MED15: variants seen among roughly 807,000 people sequenced by gnomAD.
MED15 encodes mediator of RNA polymerase II transcription subunit 15.
In MED15, 41 loss-of-function variants were observed where a neutral mutation model predicts 118.7. The ratio of observed to expected loss-of-function variants is 0.35; its 90% CI spans 0.27 to 0.45. The LOEUF (loss-of-function observed/expected upper bound fraction) is 0.45, where lower values mean the gene tolerates loss of function less well. Ranked by LOEUF, MED15 falls within the 20% of genes least tolerant of loss-of-function variation. The pLI is 1.00. For synonymous variants in MED15, 436 were observed against 413.9 expected (o/e 1.05, Z -0.65); for missense variants, 740 against 1,025.5 (o/e 0.72, Z 3.80).
intron 2 of MED15, among the ~76,000 whole-genome samples, chr22:20,539,738 A>G (rs1220734700): frequency 1.3e-5 from 2 of 152,124 alleles, no homozygotes; most frequent in Admixed American, 6.5e-5. Flanking sequence ...ATCCTCTCCA[A>G]TACTTGTTAT....
intron 8 of MED15, chr22:20,573,854 C>T (rs982977137): frequency 3.9e-5 from 6 of 152,302 alleles, no homozygotes; most frequent in African/African-American, 1.2e-4. Context: ...TCCGAAGTGC[C>T]GCAGGTGGTG....
At chr22:20,571,099 T>G (rs1244322967) in intron 8 of MED15, among the ~76,000 whole-genome samples, 2 of 152,172 alleles carry the variant, frequency 1.3e-5, no homozygotes, top group Non-Finnish European at 2.9e-5. Context: ...ATTTGGAAAG[T>G]GAATAGCCAT....
chr22:20,542,939 G>A (rs539123732), intron 2 of MED15, among the ~76,000 whole-genome samples: 4 of 152,198 alleles, frequency 2.6e-5, no homozygotes, highest in Admixed American at 1.3e-4. Flanking sequence ...AGAAAAATTT[G>A]GAAGATATGC....
At chr22:20,524,955 A>G (rs559977009) in intron 1 of MED15, among the ~76,000 whole-genome samples, 1 of 152,066 alleles carries the variant, frequency 6.6e-6, no homozygotes, top group East Asian at 1.9e-4. Context: ...CCAAATTGCT[A>G]ATAGAGGAGA....
intron 8 of MED15, among the ~76,000 whole-genome samples, chr22:20,572,426 G>A (rs2056693657): frequency 6.6e-6 from 1 of 152,256 alleles, no homozygotes; most frequent in Non-Finnish European, 1.5e-5. Context: ...GCCGAAGAGA[G>A]GCGCCCTGTC....
At chr22:20,566,100 TG>T (rs2056429305) in intron 6 of MED15, among the ~76,000 whole-genome samples, 1 of 147,200 alleles carries the variant, frequency 6.8e-6, no homozygotes, top group Non-Finnish European at 1.5e-5. Context: ...AGTGCAGTGG[TG>T]TGATCTCGGC....
At chr22:20,527,734 C>T (rs550658184) in intron 1 of MED15, among the ~76,000 whole-genome samples, 2 of 152,050 alleles carry the variant, frequency 1.3e-5, no homozygotes, top group African/African-American at 2.4e-5. Flanking sequence ...CGAGGGCAGG[C>T]GGATCACAAG....
chr22:20,509,733 C>T (rs2053997890), intron 1 of MED15, among the ~76,000 whole-genome samples: 2 of 152,088 alleles, frequency 1.3e-5, no homozygotes, highest in Admixed American at 1.3e-4. Flanking sequence ...GGGGATATTG[C>T]ACAATCAGTG....
At chr22:20,569,380 C>T (rs906927677) in intron 8 of MED15, among the ~76,000 whole-genome samples, 4 of 152,158 alleles carry the variant, frequency 2.6e-5, no homozygotes, top group East Asian at 1.9e-4. Context: ...TCGGAAGGGG[C>T]GTTGGCTTTA....
At chr22:20,526,118 A>G (rs1244927243) in intron 1 of MED15, among the ~76,000 whole-genome samples, 1 of 152,132 alleles carries the variant, frequency 6.6e-6, no homozygotes, top group Non-Finnish European at 1.5e-5. Context: ...ATGGGGTTTC[A>G]CTATATTGCC....
At position 20,530,675 on chromosome 22, in the gene MED15, G is replaced by A. The variant is rs1241374270; in HGVS notation, c.69-6442G>A. ...AACCAGGGCGGTTGTGGAAGGAAGA[G>A]TCAGGGCGTGGAGCAGAGCAGAGCG... On this transcript the variant is annotated intron_variant, in intron 1 of 17. Transcript: ENST00000263205. Among the ~76,000 whole-genome samples the A allele has an allele frequency of 2.0e-5, 3 of 152,176 alleles. No individual in the cohort carries two copies. In the East Asian group the frequency reaches 5.8e-4, roughly 29 times the overall value.
intron 5 of MED15, among the ~76,000 whole-genome samples, chr22:20,562,599 G>A (rs2056285968): frequency 6.6e-6 from 1 of 152,056 alleles, no homozygotes; most frequent in Non-Finnish European, 1.5e-5. Context: ...GGCCAAGCTG[G>A]TCTCAAACTC....
intron 9 of MED15, among the ~76,000 whole-genome samples, chr22:20,577,453 C>T (rs1601630763): frequency 6.8e-6 from 1 of 146,170 alleles, no homozygotes; most frequent in South Asian, 2.4e-4. Flanking sequence ...TCAGTCTTTC[C>T]CTCCCCAGCC....
At chr22:20,540,378 G>A (rs931584131) in intron 2 of MED15, among the ~76,000 whole-genome samples, 5 of 152,074 alleles carry the variant, frequency 3.3e-5, no homozygotes, top group African/African-American at 1.2e-4. Context: ...TTGAGGTTGA[G>A]CCCCAACTTC....
chr22:20,584,513 G>A lies in MED15; in HGVS notation c.1803+88G>A. 5 of 1,464,844 alleles carry A rather than the reference G, an allele frequency of 3.4e-6. No homozygotes were observed. The South Asian group carries it at 4.6e-5, about 13-fold the overall frequency. The allele number at this position is 1,464,844 out of a possible 1,614,324, so 90.7% of individuals were successfully genotyped here. ...TGCTGAGAGGGCCTTCAAGGTCAGG[G>A]CATCTGGGCGGGGGCCGGGCCTGAC... On this transcript the variant is annotated intron_variant, in intron 14 of 17. Coordinates refer to ENST00000263205, the MANE Select transcript of MED15 (RefSeq NM_001003891.3).
chr22:20,536,065 A>G (rs950153518), intron 1 of MED15, among the ~76,000 whole-genome samples: 13 of 151,644 alleles, frequency 8.6e-5, no homozygotes, highest in African/African-American at 3.1e-4. Context: ...TAGTAGAGAC[A>G]GGGTTTCACC....
At chr22:20,552,854 A>T in intron 3 of MED15, 1 of 397,428 alleles carries the variant, frequency 2.5e-6, no homozygotes, top group Non-Finnish European at 4.6e-6. Context: ...CCTGGGAAAA[A>T]GGAAAGCCAG....
Position 20,507,625 on chromosome 22 carries a change from G to A in MED15, c.-54G>A. On this transcript the variant is annotated 5_prime_UTR_variant, in exon 1 of 18. Coordinates refer to ENST00000263205, the MANE Select transcript of MED15 (RefSeq NM_001003891.3). ...GTTTGGGCCTGGCTCTGTGACTGAGGCGGCGGCGGTGGCGGCCAAGCGGGA... is the reference window on the plus strand; with the variant it reads ...GTTTGGGCCTGGCTCTGTGACTGAGACGGCGGCGGTGGCGGCCAAGCGGGA... The A allele has an allele frequency of 6.2e-7, 1 of 1,607,610 alleles. No homozygotes were observed.
chr22:20,585,609 G>C, intron 16 of MED15, 119 bp from the exon 17 acceptor site: 1 of 931,536 alleles, frequency 1.1e-6, no homozygotes, highest in South Asian at 1.5e-5. Context: ...CCTCCTCCAG[G>C]CTTTGCCACA....
Sources: allele counts gnomAD v4.1 joint callset (sites outside exome capture counted in the v4.1 genomes callset), GRCh38; gene constraint gnomAD v4.1.1; transcripts MANE v1.5; gene names NCBI Gene and HGNC (gene_info 2026-07-23, HGNC 2026-07-21).